CDH13: variants seen among roughly 807,000 people sequenced by gnomAD.
CDH13 encodes cadherin 13.
In CDH13, 24 loss-of-function variants were observed where a neutral mutation model predicts 63.8. The observed-to-expected ratio is 0.38, with a 90% CI of 0.27 to 0.53. The LOEUF (loss-of-function observed/expected upper bound fraction) is 0.53. CDH13 is among the 20% of genes least tolerant of loss of function. The pLI is 0.85. For synonymous variants in CDH13, 503 were observed against 355.3 expected (o/e 1.42, Z -4.67); for missense variants, 1,049 against 903.1 (o/e 1.16, Z -2.07).
rs1373996570 is a variant in CDH13 at position 83,796,930 on chromosome 16, T to C, written c.*1900T>C. 1 of 152,230 alleles carries C rather than the reference T, an allele frequency of 6.6e-6. No homozygotes were observed. Among genetic ancestry groups the C allele is most frequent in the African/African-American group, 2.4e-5 (1 of 41,462 alleles). The allele number at this position is 152,230 out of a possible 1,614,324, so 9.4% of individuals were successfully genotyped here. On this transcript the variant is annotated 3_prime_UTR_variant, in exon 14 of 14. Transcript: ENST00000567109. ...GTCCCAAGACCTGGGGATTTTTCTC[T>C]GGAACAAATCCTGTTGCTGGATCAG...
chr16:83,057,508 A>T (rs961596656), intron 3 of CDH13, among the ~76,000 whole-genome samples: 2 of 152,196 alleles, frequency 1.3e-5, no homozygotes, highest in Non-Finnish European at 2.9e-5. Context: ...AGTTAAAAGT[A>T]AGTTTTTTTC....
chr16:82,798,879 G>A (rs984878513), intron 1 of CDH13, among the ~76,000 whole-genome samples: 2 of 152,112 alleles, frequency 1.3e-5, no homozygotes, highest in Non-Finnish European at 2.9e-5. Context: ...ATAATAACAG[G>A]AACCCTTGGA....
At chr16:82,762,413 T>C (rs927477425) in intron 1 of CDH13, among the ~76,000 whole-genome samples, 1 of 152,212 alleles carries the variant, frequency 6.6e-6, no homozygotes, top group African/African-American at 2.4e-5. Flanking sequence ...TGCACAAAGT[T>C]CTCAAGTGCT....
At chr16:83,402,404 G>A (rs1465754495) in intron 6 of CDH13, among the ~76,000 whole-genome samples, 2 of 152,130 alleles carry the variant, frequency 1.3e-5, no homozygotes, top group African/African-American at 2.4e-5. Context: ...CCACAAGAAC[G>A]TGACTATCCA....
At chr16:83,598,667 A>G (rs1907496658) in intron 7 of CDH13, among the ~76,000 whole-genome samples, 1 of 152,164 alleles carries the variant, frequency 6.6e-6, no homozygotes, top group African/African-American at 2.4e-5. Flanking sequence ...ATTAGCTCAT[A>G]GAATTCACAA....
intron 4 of CDH13, among the ~76,000 whole-genome samples, chr16:83,170,923 T>C (rs2037887103): frequency 1.3e-5 from 2 of 152,044 alleles, no homozygotes; most frequent in Non-Finnish European, 2.9e-5. Context: ...AGTTTTGCCT[T>C]GGCCCTCTTC....
intron 8 of CDH13, among the ~76,000 whole-genome samples, chr16:83,657,552 A>G (rs963019699): frequency 6.6e-6 from 1 of 152,130 alleles, no homozygotes; most frequent in Non-Finnish European, 1.5e-5. Context: ...ATCATTTTCT[A>G]CTTTACTGAA....
chr16:83,731,705 G>A (rs191667153), intron 10 of CDH13, among the ~76,000 whole-genome samples: 70 of 152,348 alleles, frequency 4.6e-4, no homozygotes, highest in African/African-American at 1.6e-3. Context: ...CAAGGTCAAT[G>A]TGCAGAATGC....
intron 6 of CDH13, among the ~76,000 whole-genome samples, chr16:83,484,847 A>T (rs1044141888): frequency 6.6e-6 from 1 of 152,238 alleles, no homozygotes; most frequent in African/African-American, 2.4e-5. Flanking sequence ...AAAACGTGCC[A>T]CATTTCACAT....
At chr16:82,781,989 A>G (rs2035776021) in intron 1 of CDH13, among the ~76,000 whole-genome samples, 2 of 152,244 alleles carry the variant, frequency 1.3e-5, no homozygotes, top group South Asian at 2.1e-4. Context: ...CCTAAATGTC[A>G]TATGTGGTAA....
In CDH13 at chr16:83,134,544, G is replaced by GGAGAGAGAGAGAGA. The variant is rs67135267; in HGVS notation, c.483+9079_483+9092dup. On this transcript the variant is annotated intron_variant, in intron 4 of 13. Transcript: ENST00000567109. ...GATTTTATGTGGGGATGGGGTGGGG[G>GGAGAGAGAGAGAGA]GAGAGAGAGAGAGAGAGAGAGAGAG... 3.9e-4 allele frequency among the ~76,000 whole-genome samples: 33 copies of GGAGAGAGAGAGAGA among 84,346 alleles called. 1 individual carries two copies. The highest frequency in any genetic ancestry group is 1.2e-3 in the East Asian group (3 of 2,416). The allele number at this position is 84,346 out of a possible 152,430, so 55.3% of individuals were successfully genotyped here. A position where few individuals can be genotyped will look rare whatever the true frequency, so the allele number is the denominator to read the frequency against.
intron 10 of CDH13, among the ~76,000 whole-genome samples, chr16:83,710,897 G>C (rs917233706): frequency 6.6e-6 from 1 of 152,186 alleles, no homozygotes; most frequent in Non-Finnish European, 1.5e-5. Flanking sequence ...GGACAGACTC[G>C]ATCATCGTTG....
At chr16:83,338,077 C>G (rs2090637118) in intron 5 of CDH13, among the ~76,000 whole-genome samples, 1 of 150,222 alleles carries the variant, frequency 6.7e-6, no homozygotes, top group South Asian at 2.1e-4. Flanking sequence ...CCTTAAATTT[C>G]TTTGCTGCGA....
intron 3 of CDH13, among the ~76,000 whole-genome samples, chr16:83,076,118 T>TTGGTCTC (rs2032817187): frequency 6.6e-6 from 1 of 152,062 alleles, no homozygotes; most frequent in Non-Finnish European, 1.5e-5. Context: ...GAAAAAAAAG[T>TTGGTCTC]AAATGAGCTA....
intron 7 of CDH13, among the ~76,000 whole-genome samples, chr16:83,570,972 A>ATATATATATATAT (rs57638289): frequency 0.012 from 1,276 of 108,776 alleles, 13 homozygotes; most frequent in East Asian, 0.017. Flanking sequence ...TATATATATA[A>ATATATATATATAT]AAACCTTCTG....
intron 6 of CDH13, among the ~76,000 whole-genome samples, chr16:83,349,125 A>G (rs900499741): frequency 6.6e-6 from 1 of 152,208 alleles, no homozygotes; most frequent in African/African-American, 2.4e-5. Flanking sequence ...TCATTCCTGG[A>G]TGAAGGAAGA....
At chr16:83,362,882 A>G (rs1168124978) in intron 6 of CDH13, among the ~76,000 whole-genome samples, 1 of 152,236 alleles carries the variant, frequency 6.6e-6, no homozygotes, top group Non-Finnish European at 1.5e-5. Context: ...GAGATGCAAC[A>G]GGCAAGCATC....
chr16:82,692,328 G>C (rs547971291), intron 1 of CDH13, among the ~76,000 whole-genome samples: 67 of 152,338 alleles, frequency 4.4e-4, no homozygotes, highest in African/African-American at 1.6e-3. Flanking sequence ...CCGAGGCTGG[G>C]AAATTTATAA....
intron 6 of CDH13, among the ~76,000 whole-genome samples, chr16:83,345,974 T>C (rs1323925708): frequency 2.0e-5 from 3 of 152,188 alleles, no homozygotes; most frequent in Admixed American, 2.0e-4. Context: ...CATGAGGCTC[T>C]GGAAATGTTG....
Sources: gnomAD v4.1 joint callset for allele counts (sites outside exome capture counted in the v4.1 genomes callset) on GRCh38, gnomAD v4.1.1 for gene constraint, MANE v1.5 for transcripts, NCBI Gene and HGNC (gene_info 2026-07-23, HGNC 2026-07-21) for gene names.